DEUP1: variants seen among roughly 807,000 people sequenced by gnomAD.
DEUP1 encodes deuterosome assembly protein 1.
In DEUP1, 82 loss-of-function variants were observed where a neutral mutation model predicts 87.4. That is an observed-to-expected ratio of 0.94 (90% CI 0.78 to 1.13). The LOEUF (loss-of-function observed/expected upper bound fraction) is 1.13. Ranked by LOEUF, DEUP1 falls within the 50% of genes most tolerant of loss-of-function variation. DEUP1 has a pLI of 0.00. For missense variants in DEUP1, 663 were observed against 681.5 expected (o/e 0.97, Z 0.30); for synonymous variants, 214 against 222.7 (o/e 0.96, Z 0.35).
At chr11:93,360,367 A>G (rs1263384803) in intron 4 of DEUP1, among the ~76,000 whole-genome samples, 2 of 152,208 alleles carry the variant, frequency 1.3e-5, no homozygotes, top group East Asian at 3.8e-4. Context: ...CCAGAGTCTC[A>G]AAACACAATA....
intron 2 of DEUP1, among the ~76,000 whole-genome samples, chr11:93,338,898 A>G (rs1384539134): frequency 6.6e-6 from 1 of 152,238 alleles, no homozygotes; most frequent in African/African-American, 2.4e-5. Flanking sequence ...AAGAGAATCC[A>G]GGACTATTTT....
At chr11:93,362,075 T>C (rs2134236651) in intron 4 of DEUP1, among the ~76,000 whole-genome samples, 1 of 152,038 alleles carries the variant, frequency 6.6e-6, no homozygotes, top group Admixed American at 6.5e-5. Context: ...TCAAAATGGA[T>C]CAAAGATCCA....
At chr11:93,395,455 C>G (rs570642186) in intron 10 of DEUP1, among the ~76,000 whole-genome samples, 1 of 152,036 alleles carries the variant, frequency 6.6e-6, no homozygotes, top group Non-Finnish European at 1.5e-5. Context: ...AGCCTTAAAC[C>G]GTGATTTATT....
chr11:93,428,740 T>A (rs148337866), intron 13 of DEUP1, among the ~76,000 whole-genome samples: 234 of 152,298 alleles, frequency 1.5e-3, no homozygotes, highest in African/African-American at 5.3e-3. Flanking sequence ...AAGAAATTCA[T>A]CTCTTTTGTA....
intron 2 of DEUP1, among the ~76,000 whole-genome samples, chr11:93,337,660 T>G (rs994371052): frequency 6.6e-6 from 1 of 152,196 alleles, no homozygotes. Flanking sequence ...AACTTGACGG[T>G]AGACTCTGAA....
chr11:93,428,645 A>G (rs536982667), intron 13 of DEUP1, among the ~76,000 whole-genome samples: 10 of 152,286 alleles, frequency 6.6e-5, no homozygotes, highest in African/African-American at 2.2e-4. Flanking sequence ...ACATGTTTTA[A>G]GTGTACAATT....
chr11:93,418,340 A>G (rs1468898216), intron 13 of DEUP1, among the ~76,000 whole-genome samples: 1 of 152,026 alleles, frequency 6.6e-6, no homozygotes, highest in Non-Finnish European at 1.5e-5. Context: ...TACAAGAAAA[A>G]AACAAACAAC....
At chr11:93,378,817 CCCT>C (rs1946163993) in intron 7 of DEUP1, among the ~76,000 whole-genome samples, 1 of 152,102 alleles carries the variant, frequency 6.6e-6, no homozygotes, top group Admixed American at 6.6e-5. Flanking sequence ...ATTCTCTTGG[CCCT>C]CCTGGCATGT....
intron 13 of DEUP1, 66 bp from the exon 14 acceptor site, chr11:93,437,477 C>A: frequency 7.8e-7 from 1 of 1,278,162 alleles, no homozygotes; most frequent in Non-Finnish European, 1.1e-6. Context: ...TGAAGCATGC[C>A]TGGAAATGGG....
chr11:93,385,363 C>T (rs1301662832), intron 7 of DEUP1, 35 bp from the exon 8 acceptor site: 1 of 1,606,290 alleles, frequency 6.2e-7, no homozygotes, highest in South Asian at 1.1e-5. Context: ...TGATAACCAA[C>T]AATGAGCATG....
In DEUP1 at chr11:93,415,110, C is replaced by T; in HGVS notation, c.1634C>T (p.Pro545Leu). 1 of 1,601,670 alleles carries T rather than the reference C, an allele frequency of 6.2e-7. No homozygotes were observed. Among genetic ancestry groups the T allele is most frequent in the Non-Finnish European group, 8.5e-7 (1 of 1,170,536 alleles). The change falls in exon 13 of 14, where the codon CCA (proline) becomes CTA (leucine). Residue 545 changes from proline to leucine, a missense_variant. By Grantham distance (98) the Pro-to-Leu change is moderately conservative. Transcript: ENST00000298050. ...SPLVSDDDVF[P>L]LSPPDMSFPA... ...TTGGTTAGTGATGATGATGTATTCCCACTGGTGAGTTGCTGGTTGTGGGCT... is the reference window on the plus strand; with the variant it reads ...TTGGTTAGTGATGATGATGTATTCCTACTGGTGAGTTGCTGGTTGTGGGCT...
chr11:93,381,006 T>C (rs1223670257), intron 7 of DEUP1, among the ~76,000 whole-genome samples: 1 of 152,240 alleles, frequency 6.6e-6, no homozygotes, highest in Non-Finnish European at 1.5e-5. Flanking sequence ...GAAAGATTTC[T>C]ACTCTCAGGA....
intron 7 of DEUP1, among the ~76,000 whole-genome samples, chr11:93,375,752 T>G (rs1946006150): frequency 6.6e-6 from 1 of 152,160 alleles, no homozygotes; most frequent in African/African-American, 2.4e-5. Flanking sequence ...TTTCTTTTTC[T>G]CTTATATCCT....
intron 12 of DEUP1, among the ~76,000 whole-genome samples, chr11:93,411,564 T>C (rs1947437741): frequency 6.6e-6 from 1 of 152,200 alleles, no homozygotes; most frequent in Admixed American, 6.6e-5. Flanking sequence ...CTTAGCACTT[T>C]CTTAAAAAAT....
At position 93,427,696 on chromosome 11, in the gene DEUP1, A is replaced by G. The variant is rs1373740250; in HGVS notation, c.1639-9847A>G. Among the ~76,000 whole-genome samples the G allele has an allele frequency of 4.0e-5, 6 of 151,110 alleles. No individual in the cohort carries two copies. In the East Asian group the frequency reaches 7.8e-4, roughly 20 times the overall value. ...CATCAGAGTGAACAGGCAACCTACA[A>G]AATGGGAGAAACTTTTCACAACCTA... On this transcript the variant is annotated intron_variant, in intron 13 of 13. Transcript: ENST00000298050.
intron 2 of DEUP1, 132 bp from the exon 3 acceptor site, chr11:93,355,239 G>C (rs998191785): frequency 3.7e-6 from 3 of 808,466 alleles, no homozygotes; most frequent in Non-Finnish European, 5.8e-6. Context: ...TTCAGCTTTT[G>C]AACTTATTCC....
chr11:93,333,354 G>T (rs1302122130), intron 2 of DEUP1, among the ~76,000 whole-genome samples: 1 of 152,176 alleles, frequency 6.6e-6, no homozygotes, highest in Non-Finnish European at 1.5e-5. Flanking sequence ...GACCAAAGTG[G>T]TTGTTTCAGC....
At chr11:93,378,805 G>T (rs536382934) in intron 7 of DEUP1, among the ~76,000 whole-genome samples, 1 of 152,226 alleles carries the variant, frequency 6.6e-6, no homozygotes, top group East Asian at 1.9e-4. Flanking sequence ...CCCTAGGGAT[G>T]GATTCTCTTG....
At chr11:93,405,931 C>T (rs149635924) in intron 11 of DEUP1, among the ~76,000 whole-genome samples, 12 of 151,902 alleles carry the variant, frequency 7.9e-5, no homozygotes, top group Non-Finnish European at 1.5e-4. Context: ...AAAATATTAC[C>T]GTTTTGAAAA....
Sources: allele counts gnomAD v4.1 joint callset (sites outside exome capture counted in the v4.1 genomes callset), GRCh38; gene constraint gnomAD v4.1.1; transcripts MANE v1.5; gene names NCBI Gene and HGNC (gene_info 2026-07-23, HGNC 2026-07-21).